Variants in SVOP observed in about 807,000 individuals in gnomAD.
The protein encoded by SVOP is synaptic vesicle 2-related protein.
SVOP carries 17 observed loss-of-function variants against 69.1 expected under a neutral mutation model. The ratio of observed to expected loss-of-function variants is 0.25; its 90% confidence interval spans 0.17 to 0.37. The LOEUF (loss-of-function observed/expected upper bound fraction) is 0.37. Ranked by LOEUF, SVOP falls within the 10% of genes least tolerant of loss-of-function variation. SVOP has a pLI of 1.00. For missense variants in SVOP, 435 were observed against 597.5 expected (o/e 0.73, Z 2.84); for synonymous variants, 238 against 238.6 (o/e 1.00, Z 0.02).
chr12:108,951,389 G>A (rs776076098), intron 6 of SVOP, among the ~76,000 whole-genome samples: 2 of 152,152 alleles, frequency 1.3e-5, no homozygotes, highest in South Asian at 4.1e-4. Context: ...GGAGAGACAC[G>A]GGGCAATAAC....
Position 108,961,039 on chromosome 12 carries a change from C to T in SVOP, c.462G>A (p.Lys154=). The change falls in exon 6 of 16, where the codon AAG becomes AAA. Residue 154 remains lysine (K), a synonymous_variant. Transcript: ENST00000610966. ...AGTACAGAGTCCACAGCACGCTGAT[C>T]TTCAGCCCCTGAAGAGAAGGAAGAC... ...SDQYGRKTGL[K]ISVLWTLYYG... The T allele has an allele frequency of 6.5e-7, 1 of 1,535,832 alleles. No individual in the cohort carries two copies. Among genetic ancestry groups the T allele is most frequent in the South Asian group, 1.2e-5 (1 of 83,902 alleles).
chr12:108,940,573 A>G (rs767994386), intron 8 of SVOP, among the ~76,000 whole-genome samples: 3 of 152,184 alleles, frequency 2.0e-5, no homozygotes, highest in Non-Finnish European at 4.4e-5. Context: ...TTATCTCCCC[A>G]GAAAACATCC....
chr12:108,942,363 A>G (rs930927143), intron 7 of SVOP, among the ~76,000 whole-genome samples: 5 of 151,960 alleles, frequency 3.3e-5, no homozygotes, highest in Admixed American at 3.3e-4. Context: ...CCCTTGCCCA[A>G]TGGTGCCCCA....
At chr12:108,925,647 G>A (rs558797904) in intron 11 of SVOP, among the ~76,000 whole-genome samples, 1 of 152,112 alleles carries the variant, frequency 6.6e-6, no homozygotes, top group Non-Finnish European at 1.5e-5. Flanking sequence ...ACACATCCTT[G>A]ACCCCACCTT....
rs559862398 is a variant in SVOP at position 108,925,206 on chromosome 12, T to C, written c.1049-2409A>G. On this transcript the variant is annotated intron_variant, in intron 11 of 15. Coordinates refer to ENST00000610966, the MANE Select transcript of SVOP (RefSeq NM_018711.5). ...TTTAAAAATCCTTGTTTATAAGCCA[T>C]CCAGGAGGTCGGATCTTCAGTGTGA... Among the ~76,000 whole-genome samples the C allele has an allele frequency of 5.9e-5, 9 of 152,330 alleles. No individual in the cohort carries two copies. In the South Asian group the frequency reaches 1.7e-3, roughly 28 times the overall value.
chr12:108,915,659 G>T, intron 15 of SVOP, 124 bp downstream of exon 15: 1 of 966,016 alleles, frequency 1.0e-6, no homozygotes. Context: ...CCTCGGGTGT[G>T]TTGTTATGAT....
chr12:109,008,600 A>G (rs1486498718), intron 1 of SVOP, among the ~76,000 whole-genome samples: 1 of 152,234 alleles, frequency 6.6e-6, no homozygotes, highest in Non-Finnish European at 1.5e-5. Context: ...AATAAATCCT[A>G]GTTAGCATTC....
At chr12:108,938,558 T>C (rs1373499030) in intron 9 of SVOP, among the ~76,000 whole-genome samples, 1 of 152,216 alleles carries the variant, frequency 6.6e-6, no homozygotes, top group Non-Finnish European at 1.5e-5. Flanking sequence ...CAGGACCCAT[T>C]AGCAGAGGTT....
chr12:108,990,492 C>T (rs1373818248), intron 1 of SVOP, among the ~76,000 whole-genome samples: 1 of 137,368 alleles, frequency 7.3e-6, no homozygotes, highest in Non-Finnish European at 1.5e-5. Context: ...GGGAACATCA[C>T]ACACCGGGAC....
At chr12:108,942,723 C>A (rs1041096987) in intron 7 of SVOP, among the ~76,000 whole-genome samples, 5 of 152,226 alleles carry the variant, frequency 3.3e-5, no homozygotes, top group African/African-American at 1.2e-4. Flanking sequence ...GGTGGTAACA[C>A]CCTGGCAGGG....
At chr12:108,985,135 G>A (rs2040159916) in intron 1 of SVOP, among the ~76,000 whole-genome samples, 1 of 151,952 alleles carries the variant, frequency 6.6e-6, no homozygotes, top group Non-Finnish European at 1.5e-5. Flanking sequence ...GCTGAGGTGG[G>A]AGGATCACTT....
At chr12:109,018,522 G>A (rs2040380567) in intron 1 of SVOP, among the ~76,000 whole-genome samples, 1 of 152,076 alleles carries the variant, frequency 6.6e-6, no homozygotes, top group South Asian at 2.1e-4. Context: ...AAGGCACTCT[G>A]AATTTTTTTT....
chr12:108,923,107 C>T (rs1163115385), intron 11 of SVOP, among the ~76,000 whole-genome samples: 1 of 152,192 alleles, frequency 6.6e-6, no homozygotes, highest in Non-Finnish European at 1.5e-5. Context: ...ACTTTAGTGG[C>T]AGACAGACTC....
At chr12:108,954,441 C>A (rs2039974530) in intron 6 of SVOP, among the ~76,000 whole-genome samples, 1 of 152,138 alleles carries the variant, frequency 6.6e-6, no homozygotes, top group Non-Finnish European at 1.5e-5. Flanking sequence ...AGGGAGCAGG[C>A]AGGCAAGCTG....
At chr12:109,018,871 A>G (rs979934520) in intron 1 of SVOP, among the ~76,000 whole-genome samples, 4 of 152,242 alleles carry the variant, frequency 2.6e-5, no homozygotes, top group Non-Finnish European at 5.9e-5. Context: ...GGCATACATT[A>G]TCTCATTTGA....
intron 7 of SVOP, among the ~76,000 whole-genome samples, chr12:108,943,624 C>A (rs2039905431): frequency 6.6e-6 from 1 of 151,614 alleles, no homozygotes; most frequent in African/African-American, 2.4e-5. Flanking sequence ...AGAATGGACA[C>A]CAGTTATACA....
chr12:108,919,048 G>A (rs1036427099), intron 13 of SVOP, among the ~76,000 whole-genome samples: 4 of 151,026 alleles, frequency 2.6e-5, no homozygotes, highest in African/African-American at 9.8e-5. Context: ...CCGCAACCTG[G>A]GCCGGCACCC....
At chr12:108,940,943 T>TCATGGTCCATAC in intron 7 of SVOP, 34 bp from the exon 8 acceptor site, 1 of 1,532,472 alleles carries the variant, frequency 6.5e-7, no homozygotes, top group Non-Finnish European at 8.7e-7. Flanking sequence ...GTGGTGGGGG[T>TCATGGTCCATAC]AGCATGGTCC....
chr12:108,951,834 C>T (rs1411933314), intron 6 of SVOP, among the ~76,000 whole-genome samples: 2 of 152,210 alleles, frequency 1.3e-5, no homozygotes, highest in East Asian at 1.9e-4. Context: ...TTTTCCGTCC[C>T]GGTATCTATG....
Sources: allele counts gnomAD v4.1 joint callset (sites outside exome capture counted in the v4.1 genomes callset), GRCh38; gene constraint gnomAD v4.1.1; transcripts MANE v1.5; gene names NCBI Gene and HGNC (gene_info 2026-07-23, HGNC 2026-07-21).